HS3ST3A1: variants seen among roughly 807,000 people sequenced by gnomAD.
HS3ST3A1 encodes the protein heparan sulfate-glucosamine 3-sulfotransferase 3A1.
Under a neutral mutation model 25.7 loss-of-function variants are expected in HS3ST3A1, and 19 were observed. That is an observed-to-expected ratio of 0.74 (90% CI 0.52 to 1.08). HS3ST3A1 has a LOEUF of 1.08. Ranked by LOEUF, HS3ST3A1 falls within the 50% of genes least tolerant of loss-of-function variation. The pLI is 0.00. For missense variants in HS3ST3A1, 459 were observed against 594.3 expected (o/e 0.77, Z 2.37); for synonymous variants, 226 against 278.6 (o/e 0.81, Z 1.88).
intron 1 of HS3ST3A1, among the ~76,000 whole-genome samples, chr17:13,521,850 G>C (rs991393200): frequency 1.3e-5 from 2 of 152,154 alleles, no homozygotes; most frequent in South Asian, 4.1e-4. Flanking sequence ...ACCCCAACAC[G>C]ACTGACGTTC....
chr17:13,574,771 A>G (rs1567627550), intron 1 of HS3ST3A1, among the ~76,000 whole-genome samples: 4 of 12,590 alleles, frequency 3.2e-4, no homozygotes, highest in Non-Finnish European at 1.2e-3. Context: ...AAAAACACAC[A>G]AAAAAAATGA....
Position 13,518,809 on chromosome 17 carries a change from C to T in HS3ST3A1, c.600-21991G>A, listed in dbSNP as rs79228059. On this transcript the variant is annotated intron_variant, in intron 1 of 1. Coordinates refer to ENST00000284110, the MANE Select transcript of HS3ST3A1 (RefSeq NM_006042.3). ...CCAGCTAATTCCTTCTGCACAGGCTCAGCCAAGATCAGCAGAGCCATCTGG... is the reference window on the plus strand; with the variant it reads ...CCAGCTAATTCCTTCTGCACAGGCTTAGCCAAGATCAGCAGAGCCATCTGG... Among the ~76,000 whole-genome samples, 1,397 of 152,308 alleles carry T rather than the reference C, an allele frequency of 9.2e-3. 27 individuals carry two copies. The highest frequency in any genetic ancestry group is 0.032 in the African/African-American group (1,331 of 41,560).
At chr17:13,515,471 G>T (rs1166401771) in intron 1 of HS3ST3A1, among the ~76,000 whole-genome samples, 38 of 107,726 alleles carry the variant, frequency 3.5e-4, no homozygotes, top group South Asian at 9.7e-4. Context: ...GTTTGTTTCA[G>T]TTTTTTTTTT....
chr17:13,586,570 T>C (rs1908271817), intron 1 of HS3ST3A1, among the ~76,000 whole-genome samples: 1 of 151,866 alleles, frequency 6.6e-6, no homozygotes, highest in Non-Finnish European at 1.5e-5. Context: ...AAGTGTAAAA[T>C]GCATACTGGA....
chr17:13,533,667 CT>C (rs556844175), intron 1 of HS3ST3A1, among the ~76,000 whole-genome samples: 1 of 152,018 alleles, frequency 6.6e-6, no homozygotes, highest in South Asian at 2.1e-4. Context: ...CTTCCTAAAG[CT>C]TTAGATAGGG....
chr17:13,562,359 C>G (rs1246690610), intron 1 of HS3ST3A1, among the ~76,000 whole-genome samples: 2 of 152,168 alleles, frequency 1.3e-5, no homozygotes, highest in African/African-American at 4.8e-5. Flanking sequence ...ACAGCCTCGT[C>G]TATTCTGCGA....
intron 1 of HS3ST3A1, among the ~76,000 whole-genome samples, chr17:13,541,723 G>A (rs1050065673): frequency 3.9e-5 from 6 of 152,082 alleles, no homozygotes; most frequent in African/African-American, 1.4e-4. Context: ...TTTGAACATC[G>A]TGACCAGATG....
At chr17:13,537,181 G>T (rs985611473) in intron 1 of HS3ST3A1, among the ~76,000 whole-genome samples, 1 of 152,196 alleles carries the variant, frequency 6.6e-6, no homozygotes, top group Non-Finnish European at 1.5e-5. Flanking sequence ...AGCTCTGCTA[G>T]GTAGAGGATC....
At chr17:13,542,189 T>C (rs1325893217) in intron 1 of HS3ST3A1, among the ~76,000 whole-genome samples, 1 of 151,980 alleles carries the variant, frequency 6.6e-6, no homozygotes, top group Non-Finnish European at 1.5e-5. Flanking sequence ...TAGCTGGGCA[T>C]GGTGGCGTGC....
At chr17:13,513,512 G>T (rs892442813) in intron 1 of HS3ST3A1, among the ~76,000 whole-genome samples, 3 of 152,130 alleles carry the variant, frequency 2.0e-5, no homozygotes, top group African/African-American at 7.2e-5. Context: ...CCACCGCTCC[G>T]ATATAGCATT....
rs1385072721 is a variant in HS3ST3A1, at chr17:13,601,160, C to G, written c.-31G>C. 2.7e-6 allele frequency: 4 copies of G among 1,471,280 alleles called. No homozygotes were observed. The highest frequency in any genetic ancestry group is 3.6e-6 in the Non-Finnish European group (4 of 1,109,500). The allele number at this position is 1,471,280 out of a possible 1,614,324, so 91.1% of individuals were successfully genotyped here. On this transcript the variant is annotated 5_prime_UTR_variant, in exon 1 of 2. Coordinates refer to ENST00000284110, the MANE Select transcript of HS3ST3A1 (RefSeq NM_006042.3). ...CCGGAGGCGACGTCGGGCAACGCGC[C>G]GGCCATGCTAGGCCTGGACCCCGAC...
intron 1 of HS3ST3A1, among the ~76,000 whole-genome samples, chr17:13,529,135 A>T (rs1021384239): frequency 6.6e-6 from 1 of 152,132 alleles, no homozygotes; most frequent in Non-Finnish European, 1.5e-5. Context: ...CCTAAAACAG[A>T]TATTTTACTT....
At chr17:13,593,368 G>C (rs1227226736) in intron 1 of HS3ST3A1, among the ~76,000 whole-genome samples, 1 of 152,000 alleles carries the variant, frequency 6.6e-6, no homozygotes, top group Non-Finnish European at 1.5e-5. Flanking sequence ...AGGAAGCTTT[G>C]GGGAACCTTT....
intron 1 of HS3ST3A1, among the ~76,000 whole-genome samples, chr17:13,560,744 G>T (rs970223065): frequency 3.3e-5 from 5 of 152,068 alleles, no homozygotes; most frequent in African/African-American, 1.2e-4. Flanking sequence ...TTCAACACAG[G>T]TGCCTGATAG....
chr17:13,580,476 A>G (rs1057221925), intron 1 of HS3ST3A1, among the ~76,000 whole-genome samples: 13 of 152,226 alleles, frequency 8.5e-5, no homozygotes, highest in African/African-American at 2.9e-4. Flanking sequence ...CTGTTTATAC[A>G]TTTATACACA....
chr17:13,529,902 G>A (rs1207643314), intron 1 of HS3ST3A1, among the ~76,000 whole-genome samples: 1 of 151,854 alleles, frequency 6.6e-6, no homozygotes, highest in African/African-American at 2.4e-5. Flanking sequence ...ATCATGAATT[G>A]TATTATATAT....
chr17:13,497,130 C>T (rs1292644883), intron 1 of HS3ST3A1, among the ~76,000 whole-genome samples: 1 of 152,086 alleles, frequency 6.6e-6, no homozygotes, highest in African/African-American at 2.4e-5. Context: ...TATTGTTTAT[C>T]CACAATGCTG....
intron 1 of HS3ST3A1, among the ~76,000 whole-genome samples, chr17:13,516,932 C>T (rs888054288): frequency 3.9e-5 from 6 of 152,082 alleles, no homozygotes; most frequent in East Asian, 1.9e-4. Flanking sequence ...GTGACCCGCC[C>T]GCCTCGGCCT....
chr17:13,583,265 G>A (rs1416417609), intron 1 of HS3ST3A1, among the ~76,000 whole-genome samples: 1 of 151,872 alleles, frequency 6.6e-6, no homozygotes, highest in Non-Finnish European at 1.5e-5. Context: ...TTTATTGGTG[G>A]GCCTCTGAAG....
Sources: allele counts gnomAD v4.1 joint callset (sites outside exome capture counted in the v4.1 genomes callset), GRCh38; gene constraint gnomAD v4.1.1; transcripts MANE v1.5; gene names NCBI Gene and HGNC (gene_info 2026-07-23, HGNC 2026-07-21).